The following TFEB variants were observed in gnomAD, a reference collection of about 807,000 sequenced individuals.
TFEB encodes transcription factor EB.
TFEB carries 12 observed loss-of-function variants against 48.0 expected under a neutral mutation model. That is an observed-to-expected ratio of 0.25 (90% CI 0.16 to 0.40). The LOEUF (loss-of-function observed/expected upper bound fraction) is 0.40. Among genes scored for constraint, TFEB ranks in the 10% least tolerant of loss-of-function variants. The pLI is 1.00. For missense variants in TFEB, 509 were observed against 640.3 expected, an observed-to-expected ratio of 0.79 and a Z score of 2.21; for synonymous variants, 244 against 261.4, an observed-to-expected ratio of 0.93 and a Z score of 0.64.
intron 5 of TFEB, 38 bp downstream of exon 5, chr6:41,687,870 C>A: frequency 1.2e-6 from 2 of 1,609,134 alleles, no homozygotes; most frequent in African/African-American, 1.3e-5. Flanking sequence ...AGGGAGGAGT[C>A]GGGTATTCAA....
At chr6:41,707,149 TGAGCTCAAA>T (rs1770267455) in intron 1 of TFEB, among the ~76,000 whole-genome samples, 1 of 152,142 alleles carries the variant, frequency 6.6e-6, no homozygotes, top group South Asian at 2.1e-4. Context: ...CCAAGATGCT[TGAGCTCAAA>T]CCTGAGACAT....
chr6:41,688,093 G>A, intron 4 of TFEB, 65 bp from the exon 5 acceptor site: 8 of 1,556,034 alleles, frequency 5.1e-6, no homozygotes, highest in Non-Finnish European at 7.0e-6. Context: ...CCCCTCTAGG[G>A]CCTATCATCC....
intron 7 of TFEB, 89 bp downstream of exon 7, chr6:41,687,005 T>C (rs1313119117): frequency 3.7e-6 from 4 of 1,090,432 alleles, no homozygotes; most frequent in East Asian, 2.4e-5. Flanking sequence ...CCTCCCATCC[T>C]AGTAACTAGC....
At chr6:41,706,168 C>T (rs911184661) in intron 1 of TFEB, among the ~76,000 whole-genome samples, 3 of 152,248 alleles carry the variant, frequency 2.0e-5, no homozygotes, top group African/African-American at 7.2e-5. Context: ...TGGCCTTCCA[C>T]GTCCATGCCA....
In TFEB at chr6:41,734,825, G is replaced by A; in HGVS notation, c.-23+525C>T. 1 of 915,500 alleles carries A rather than the reference G, an allele frequency of 1.1e-6. No homozygotes were observed. Among genetic ancestry groups the A allele is most frequent in the Non-Finnish European group, 1.3e-6 (1 of 765,928 alleles). 56.7% of individuals were successfully genotyped at this position (915,500 alleles called of 1,614,324 possible). A position where few individuals can be genotyped will look rare whatever the true frequency, so the allele number is the denominator to read the frequency against. ...CGCCCCCCCATCAGCCCAGCCCCCG[G>A]GGCGTGGCGCCGCTCTGGCCCTCCC... On this transcript the variant is annotated intron_variant, in intron 1 of 8. Transcript: ENST00000373033. This position sits in a 1 kb window ranked among gnomAD's most constrained non-coding sequence, Gnocchi z 4.0.
intron 8 of TFEB, among the ~76,000 whole-genome samples, chr6:41,685,318 A>G (rs1053966743): frequency 1.3e-5 from 2 of 152,172 alleles, no homozygotes; most frequent in East Asian, 1.9e-4. Context: ...CCAGCTTTCT[A>G]TTTTTTTAAT....
chr6:41,684,721 G>A lies in TFEB; in HGVS notation c.1309C>T (p.Leu437Phe), dbSNP rs2127444211. 1 of 1,613,824 alleles carries A rather than the reference G, an allele frequency of 6.2e-7. No homozygotes were observed. The highest frequency in any genetic ancestry group is 8.5e-7 in the Non-Finnish European group (1 of 1,179,934). ...AGCGGTAGCAGTGAGTCGTCCAGGA[G>A]CATGAGGTCCAGATCCTTCTTGGAC... ...SLSKKDLDLM[L>F]LDDSLLPLAS... The change falls in exon 9 of 9, where the codon CTC becomes TTC. Residue 437 changes from leucine (L) to phenylalanine (F), a missense_variant. By Grantham distance (22) the Leu-to-Phe change is conservative. This residue lies in a region of TFEB where 168 missense variants were observed against 161.0 expected (regional missense o/e 1.04). Transcript: ENST00000373033.
rs1292840817 is a variant in TFEB, at chr6:41,734,542, T to C, written c.-23+808A>G. The C allele has an allele frequency of 1.9e-4, 23 of 122,324 alleles. No homozygotes were observed. In the Admixed American group the frequency reaches 2.2e-3, roughly 12 times the overall value. 7.6% of individuals were successfully genotyped at this position (122,324 alleles called of 1,614,324 possible). On this transcript the variant is annotated intron_variant, in intron 1 of 8. Coordinates refer to ENST00000373033, the MANE Select transcript of TFEB (RefSeq NM_001271944.2). This position sits in a 1 kb window ranked among gnomAD's most constrained non-coding sequence, Gnocchi z 4.0. ...TCGGGGGATCGGGGGGAAGGGGGCG[T>C]GTTTTCCGGGATTCGGGACCGAGAC...
At chr6:41,728,738 C>T (rs1771324444) in intron 1 of TFEB, among the ~76,000 whole-genome samples, 1 of 151,670 alleles carries the variant, frequency 6.6e-6, no homozygotes, top group African/African-American at 2.4e-5. Flanking sequence ...AGACTGTGAG[C>T]CCTACACCAG....
In TFEB at chr6:41,735,405, T is replaced by A. The variant is rs1000919851; in HGVS notation, c.-78A>T. 1.0e-6 allele frequency: 1 copy of A among 985,630 alleles called. No individual in the cohort carries two copies. Among genetic ancestry groups the A allele is most frequent in the East Asian group, 1.1e-4 (1 of 8,844 alleles). 61.1% of individuals were successfully genotyped at this position (985,630 alleles called of 1,614,324 possible). A position where few individuals can be genotyped will look rare whatever the true frequency, so the allele number is the denominator to read the frequency against. ...CGCGCCCCGCGGCTCCGGCAACTTG[T>A]CGCAAGTTCGGGTGCCTGGCCCGCA... is the stretch of plus-strand genomic sequence containing the variant. On this transcript the variant is annotated 5_prime_UTR_variant, in exon 1 of 9. Coordinates refer to ENST00000373033, the MANE Select transcript of TFEB (RefSeq NM_001271944.2).
At chr6:41,725,963 G>T (rs1056324522) in intron 1 of TFEB, among the ~76,000 whole-genome samples, 1 of 152,170 alleles carries the variant, frequency 6.6e-6, no homozygotes. Flanking sequence ...TACATTAAAG[G>T]CCAGGCCCGG....
intron 1 of TFEB, among the ~76,000 whole-genome samples, chr6:41,731,988 A>G (rs1231854576): frequency 1.3e-5 from 2 of 152,162 alleles, no homozygotes; most frequent in African/African-American, 2.4e-5. Flanking sequence ...GGAAACAGGT[A>G]TGGTGCTCAG....
In TFEB at chr6:41,687,145, A is replaced by T; in HGVS notation, c.752T>A (p.Ile251Asn). 6.2e-7 allele frequency: 1 copy of T among 1,614,124 alleles called. No individual in the cohort carries two copies. ...TCCCAACTCCTTGATGCGGTCATTG[A>T]TGTTGAACCTTCGTCTCCTTTCAAC... ...NLIERRRRFN[I>N]NDRIKELGML... Residue 251 changes from isoleucine to asparagine, a missense_variant, in exon 7 of 9, where the codon ATC becomes AAC. Coordinates refer to ENST00000373033, the MANE Select transcript of TFEB (RefSeq NM_001271944.2).
At chr6:41,726,586 G>A (rs1443543744) in intron 1 of TFEB, among the ~76,000 whole-genome samples, 3 of 152,056 alleles carry the variant, frequency 2.0e-5, no homozygotes, top group African/African-American at 4.8e-5. Context: ...AATTACAGGT[G>A]CGTGCCACAA....
At chr6:41,718,310 T>C (rs184871723) in intron 1 of TFEB, among the ~76,000 whole-genome samples, 20 of 152,114 alleles carry the variant, frequency 1.3e-4, no homozygotes, top group Admixed American at 5.9e-4. Flanking sequence ...CCAGGCTCAA[T>C]TGATCGTCCC....
chr6:41,714,457 C>T (rs900216729), intron 1 of TFEB, among the ~76,000 whole-genome samples: 1 of 152,096 alleles, frequency 6.6e-6, no homozygotes, highest in Non-Finnish European at 1.5e-5. Flanking sequence ...TCAGACAAAG[C>T]AGAGGATGGG....
rs1359788096 is a variant in TFEB at position 41,724,987 on chromosome 6, G to A, written c.-23+10363C>T. Among the ~76,000 whole-genome samples, 1 of 152,172 alleles carries A rather than the reference G, an allele frequency of 6.6e-6. No individual in the cohort carries two copies. Among genetic ancestry groups the A allele is most frequent in the East Asian group, 1.9e-4 (1 of 5,188 alleles). ...AGCCACAAGGCCCCTTTGCAGGGAC[G>A]CCTCCCCCAAAATGCCTGCACATTC... On this transcript the variant is annotated intron_variant, in intron 1 of 8. Transcript: ENST00000373033. The surrounding 1 kb of genome is among the most constrained non-coding windows in gnomAD (Gnocchi z 4.4).
intron 1 of TFEB, among the ~76,000 whole-genome samples, chr6:41,711,147 A>G (rs917272290): frequency 1.3e-5 from 2 of 152,242 alleles, no homozygotes; most frequent in African/African-American, 4.8e-5. Context: ...CCTTGGCTTT[A>G]TCATGTATTA....
At position 41,728,513 on chromosome 6, in the gene TFEB, GTGTCACC is replaced by G. The variant is rs529451356; in HGVS notation, c.-23+6830_-23+6836del. On this transcript the variant is annotated intron_variant, in intron 1 of 8. Coordinates refer to ENST00000373033, the MANE Select transcript of TFEB (RefSeq NM_001271944.2). ...GGCGGCAGGGGGTGGACAGTATAGTGTGTCACCTCCTGGCCACTCTGCACCCCTCAGG... is the reference window on the plus strand; with the variant it reads ...GGCGGCAGGGGGTGGACAGTATAGTGTCCTGGCCACTCTGCACCCCTCAGG... Among the ~76,000 whole-genome samples the G allele has an allele frequency of 3.2e-3, 492 of 152,290 alleles. 1 individual carries two copies. Among genetic ancestry groups the G allele is most frequent in the Non-Finnish European group, 4.5e-3 (304 of 68,008 alleles).
Sources: gnomAD v4.1 joint callset for allele counts (sites outside exome capture counted in the v4.1 genomes callset) on GRCh38, gnomAD v4.1.1 for gene constraint, gnomAD v4.1.1 regional missense constraint, Gnocchi (gnomAD v3.1) non-coding constraint, MANE v1.5 for transcripts, NCBI Gene and HGNC (gene_info 2026-07-23, HGNC 2026-07-21) for gene names.